The following ALG1L2 variants were observed in gnomAD, a reference collection of about 807,000 sequenced individuals.
ALG1L2 encodes the protein putative glycosyltransferase ALG1L2.
Under a neutral mutation model 29.0 loss-of-function variants are expected in ALG1L2, and 32 were observed. That is an observed-to-expected ratio of 1.10 (90% CI 0.83 to 1.48). The LOEUF is 1.48. ALG1L2 is among the 40% of genes most tolerant of loss of function. The pLI, the probability that ALG1L2 is intolerant of heterozygous loss-of-function variation, is 0.00. For missense variants in ALG1L2, 318 were observed against 274.1 expected (o/e 1.16, Z -1.13); for synonymous variants, 110 against 109.5 (o/e 1.00, Z -0.03).
At chr3:130,088,360 C>G (rs9849970) in intron 1 of ALG1L2, among the ~76,000 whole-genome samples, 1 of 152,050 alleles carries the variant, frequency 6.6e-6, no homozygotes, top group Non-Finnish European at 1.5e-5. Context: ...AACTAAATCA[C>G]GGGGTGGGTC....
chr3:130,084,815 G>C (rs1356320998), intron 1 of ALG1L2, among the ~76,000 whole-genome samples: 1 of 129,916 alleles, frequency 7.7e-6, no homozygotes, highest in East Asian at 2.1e-4. Context: ...CAGAAGTCCA[G>C]TCTTCACGTG....
At chr3:130,086,655 C>T (rs1252249141) in intron 1 of ALG1L2, among the ~76,000 whole-genome samples, 6 of 143,310 alleles carry the variant, frequency 4.2e-5, no homozygotes, top group Non-Finnish European at 6.3e-5. Flanking sequence ...CCTGCCTGGT[C>T]CACAGAGCAA....
At position 130,094,919 on chromosome 3, in the gene ALG1L2, C is replaced by T. The variant is rs1935098436; in HGVS notation, c.424+406C>T. ...TCTCCTTTGCCTCCGTCTCTTTCCC[C>T]ATTGATTTCTCCAAGTGGGGAGTCG... On this transcript the variant is annotated intron_variant, in intron 5 of 7. Transcript: ENST00000425059. Among the ~76,000 whole-genome samples the T allele has an allele frequency of 2.0e-5, 3 of 152,208 alleles. No individual in the cohort carries two copies. In the South Asian group the frequency reaches 6.2e-4, roughly 32 times the overall value.
rs1935124940 is a variant in ALG1L2 at position 130,096,052 on chromosome 3, CG to C, written c.430del (p.Val144TrpfsTer18). On this transcript the variant is annotated frameshift_variant, in exon 6 of 8. Coordinates refer to ENST00000425059, the MANE Select transcript of ALG1L2 (RefSeq NM_001136152.1). LOFTEE classifies it high-confidence loss of function. ...CCACACCCCTCTTGCCTAGCAGGGT[CG>C]GTGGACCTGGATGTCTGTCTGGACA... ...EGRGLPPLLG[S>X]VDLDVCLDTS... 1 of 1,609,406 alleles carries C rather than the reference CG, an allele frequency of 6.2e-7. No individual in the cohort carries two copies. The highest frequency in any genetic ancestry group is 8.5e-7 in the Non-Finnish European group (1 of 1,178,854).
rs536782357 is a variant in ALG1L2 at position 130,084,155 on chromosome 3, C to T, written c.20+2119C>T. On this transcript the variant is annotated intron_variant, in intron 1 of 7. Coordinates refer to ENST00000425059, the MANE Select transcript of ALG1L2 (RefSeq NM_001136152.1). ...ACTGTGGGCAGGGATGCTGGGGAAGCAGACATTGAGGAGATGGGACAACAG... is the reference window on the plus strand; with the variant it reads ...ACTGTGGGCAGGGATGCTGGGGAAGTAGACATTGAGGAGATGGGACAACAG... 2.9e-5 allele frequency among the ~76,000 whole-genome samples: 4 copies of T among 139,800 alleles called. No homozygotes were observed. In the South Asian group the frequency reaches 9.1e-4, roughly 32 times the overall value. The allele number at this position is 139,800 out of a possible 152,430, so 91.7% of individuals were successfully genotyped here.
At position 130,081,898 on chromosome 3, in the gene ALG1L2, G is replaced by A. The variant is rs1934792930; in HGVS notation, c.-119G>A. The A allele has an allele frequency of 3.8e-6, 5 of 1,309,090 alleles. No individual in the cohort carries two copies. The highest frequency in any genetic ancestry group is 1.4e-5 in the African/African-American group (1 of 70,728). 81.1% of individuals were successfully genotyped at this position (1,309,090 alleles called of 1,614,324 possible). A position where few individuals can be genotyped will look rare whatever the true frequency, so the allele number is the denominator to read the frequency against. On this transcript the variant is annotated 5_prime_UTR_variant, in exon 1 of 8. Coordinates refer to ENST00000425059, the MANE Select transcript of ALG1L2 (RefSeq NM_001136152.1). ...CAAGTAGCAGAGACAGGTGTGCAAA[G>A]GCTCAGAGGGAGCTTCTCCAGGATC... is the stretch of plus-strand genomic sequence containing the variant.
intron 2 of ALG1L2, 43 bp from the exon 3 acceptor site, chr3:130,092,058 C>G (rs754967789): frequency 3.1e-6 from 5 of 1,607,618 alleles, no homozygotes; most frequent in Non-Finnish European, 3.4e-6. Context: ...GGGTCCTGGG[C>G]CTGCTCTGTG....
At chr3:130,091,476 C>G (rs1299519311) in intron 2 of ALG1L2, 105 bp downstream of exon 2, 3 of 1,216,268 alleles carry the variant, frequency 2.5e-6, no homozygotes, top group East Asian at 5.0e-5. Flanking sequence ...GATTGGCAAA[C>G]TAAGGCTACA....
intron 1 of ALG1L2, among the ~76,000 whole-genome samples, chr3:130,086,431 C>T (rs187447874): frequency 6.7e-6 from 1 of 149,644 alleles, no homozygotes; most frequent in Admixed American, 6.7e-5. Flanking sequence ...CTTTGGGAGG[C>T]CAAGGCGGGA....
intron 1 of ALG1L2, among the ~76,000 whole-genome samples, chr3:130,084,097 G>T (rs1328673823): frequency 1.3e-5 from 2 of 149,802 alleles, no homozygotes; most frequent in African/African-American, 4.8e-5. Context: ...CACAGATGGT[G>T]ACTGAGGCTC....
chr3:130,085,622 A>G (rs1934872330), intron 1 of ALG1L2, among the ~76,000 whole-genome samples: 1 of 151,430 alleles, frequency 6.6e-6, no homozygotes, highest in Admixed American at 6.6e-5. Context: ...CTTTGTAATG[A>G]CTATCTCCAA....
chr3:130,091,571 G>C (rs999493791), intron 2 of ALG1L2, among the ~76,000 whole-genome samples, 200 bp downstream of exon 2: 1 of 152,226 alleles, frequency 6.6e-6, no homozygotes, highest in African/African-American at 2.4e-5. Context: ...CCGCCTTTGA[G>C]CTACAATAGC....
chr3:130,086,694 A>G (rs1366190313), intron 1 of ALG1L2, among the ~76,000 whole-genome samples: 1 of 134,724 alleles, frequency 7.4e-6, no homozygotes, highest in African/African-American at 2.5e-5. Context: ...AAGAGAAGAG[A>G]AGACAGATGA....
rs547002982 is a variant in ALG1L2, at chr3:130,093,016, C to T, written c.254-85C>T. The T allele has an allele frequency of 9.0e-5, 114 of 1,260,152 alleles. No individual in the cohort carries two copies. The Admixed American group carries it at 1.7e-3, about 19-fold the overall frequency. The allele number at this position is 1,260,152 out of a possible 1,614,324, so 78.1% of individuals were successfully genotyped here. On this transcript the variant is annotated intron_variant, in intron 3 of 7. Transcript: ENST00000425059. ...TTGCATTCCAGCCTGGGTGACAGAG[C>T]GAGAGTCTGTCAGAAAAAAAAAAAA...
chr3:130,093,294 A>G, intron 4 of ALG1L2, 134 bp downstream of exon 4: 2 of 1,033,730 alleles, frequency 1.9e-6, no homozygotes. Context: ...AGGGTCTTAC[A>G]CTGCTTGACA....
chr3:130,091,466 G>A (rs1441840888), intron 2 of ALG1L2, 95 bp downstream of exon 2: 1 of 1,332,636 alleles, frequency 7.5e-7, no homozygotes, highest in African/African-American at 1.4e-5. Flanking sequence ...CTCATCCAGG[G>A]ATTGGCAAAC....
rs1009461254 is a variant in ALG1L2, at chr3:130,091,247, T to A, written c.21-14T>A. ...CTGGACTAATGCAATAGCCCTGCCATGATTTCATTGCAGGGCTGTGACCGT... is the reference window on the plus strand; with the variant it reads ...CTGGACTAATGCAATAGCCCTGCCAAGATTTCATTGCAGGGCTGTGACCGT... On this transcript the variant is annotated splice_polypyrimidine_tract_variant and intron_variant, in intron 1 of 7. Coordinates refer to ENST00000425059, the MANE Select transcript of ALG1L2 (RefSeq NM_001136152.1). 2 of 1,597,314 alleles carry A rather than the reference T, an allele frequency of 1.3e-6. No homozygotes were observed. Among genetic ancestry groups the A allele is most frequent in the Non-Finnish European group, 1.7e-6 (2 of 1,178,412 alleles).
intron 1 of ALG1L2, among the ~76,000 whole-genome samples, chr3:130,082,986 C>T (rs201976497): frequency 0.2 from 13,071 of 65,378 alleles, 210 homozygotes; most frequent in Middle Eastern, 0.3. Flanking sequence ...CTTTTCTACT[C>T]ATCTGATTCC....
intron 4 of ALG1L2, among the ~76,000 whole-genome samples, chr3:130,093,434 CT>C (rs34096233): frequency 0.039 from 5,538 of 142,840 alleles, 318 homozygotes; most frequent in African/African-American, 0.13. Flanking sequence ...TCATTGGTGT[CT>C]TTTTTTTTTT....
Sources: gnomAD v4.1 joint callset for allele counts (sites outside exome capture counted in the v4.1 genomes callset) on GRCh38, gnomAD v4.1.1 for gene constraint, MANE v1.5 for transcripts, NCBI Gene and HGNC (gene_info 2026-07-23, HGNC 2026-07-21) for gene names.